SMAD1: variants seen among roughly 807,000 people sequenced by gnomAD.
SMAD1 encodes SMAD family member 1.
In SMAD1, 6 loss-of-function variants were observed where a neutral mutation model predicts 41.6. The observed-to-expected ratio is 0.14, with a 90% confidence interval of 0.08 to 0.28. SMAD1 has a LOEUF of 0.28. SMAD1 is among the 10% of genes least tolerant of loss of function. The pLI is 1.00. For missense variants in SMAD1, 379 were observed against 582.6 expected, an observed-to-expected ratio of 0.65 and a Z score of 3.60; for synonymous variants, 206 against 203.2, an observed-to-expected ratio of 1.01 and a Z score of -0.12.
chr4:145,558,595 A>T lies in SMAD1; in HGVS notation c.*661A>T, dbSNP rs373810142. ...AGACTAGTGAATTTAGGAGTATTTG[A>T]GGTGGGTGGGGGGAAGAGGGAAATG... is the stretch of plus-strand genomic sequence containing the variant. On this transcript the variant is annotated 3_prime_UTR_variant, in exon 7 of 7. Coordinates refer to ENST00000302085, the MANE Select transcript of SMAD1 (RefSeq NM_005900.3). 6.6e-6 allele frequency among the ~76,000 whole-genome samples: 1 copy of T among 152,142 alleles called. No homozygotes were observed. The highest frequency in any genetic ancestry group is 6.5e-5 in the Admixed American group (1 of 15,272).
chr4:145,510,896 T>A (rs866568392), intron 1 of SMAD1, among the ~76,000 whole-genome samples: 1 of 152,332 alleles, frequency 6.6e-6, no homozygotes, highest in Middle Eastern at 3.4e-3. Context: ...AAATTTGGAA[T>A]TTAAAAACTA....
chr4:145,544,983 T>C (rs754609452), intron 4 of SMAD1: 20 of 152,202 alleles, frequency 1.3e-4, no homozygotes, highest in Non-Finnish European at 2.8e-4. Context: ...AATTTTTTTT[T>C]CCTTTATAGT....
rs1195075955 is a variant in SMAD1 at position 145,527,476 on chromosome 4, G to A, written c.401-12328G>A. On this transcript the variant is annotated intron_variant, in intron 2 of 6. Coordinates refer to ENST00000302085, the MANE Select transcript of SMAD1 (RefSeq NM_005900.3). ...CTGACCTCGTGATCCGCCCGCCTCGGCCTCCCAAAGTGCTGGGATTACAGG... is the reference window on the plus strand; with the variant it reads ...CTGACCTCGTGATCCGCCCGCCTCGACCTCCCAAAGTGCTGGGATTACAGG... 2.0e-5 allele frequency among the ~76,000 whole-genome samples: 3 copies of A among 152,068 alleles called. 1 individual carries two copies. Among genetic ancestry groups the A allele is most frequent in the East Asian group, 3.9e-4 (2 of 5,160 alleles).
chr4:145,528,522 G>A (rs865988252), intron 2 of SMAD1, among the ~76,000 whole-genome samples: 6 of 152,172 alleles, frequency 3.9e-5, no homozygotes, highest in Admixed American at 3.3e-4. Flanking sequence ...GATTACAGGC[G>A]TGAGCTACCG....
intron 5 of SMAD1, among the ~76,000 whole-genome samples, chr4:145,551,863 G>A (rs368392537): frequency 7.9e-5 from 12 of 152,158 alleles, no homozygotes; most frequent in African/African-American, 2.9e-4. Flanking sequence ...CTTCGATCCA[G>A]TAATTTAACT....
intron 2 of SMAD1, among the ~76,000 whole-genome samples, chr4:145,536,946 C>T (rs1293317886): frequency 2.0e-5 from 3 of 151,972 alleles, no homozygotes; most frequent in African/African-American, 7.3e-5. Context: ...CCAAAAATCT[C>T]AGAGTTTAAT....
chr4:145,558,028 C>G lies in SMAD1; in HGVS notation c.*94C>G, dbSNP rs1045657138. ...ACACGATTGAGAACTGACAAAGGAG[C>G]CTTGATAATACTTGACCTCTGTGAC... On this transcript the variant is annotated 3_prime_UTR_variant, in exon 7 of 7. Transcript: ENST00000302085. The G allele has an allele frequency of 6.7e-6, 6 of 900,048 alleles. No individual in the cohort carries two copies. Among genetic ancestry groups the G allele is most frequent in the Non-Finnish European group, 7.9e-6 (5 of 633,222 alleles). The allele number at this position is 900,048 out of a possible 1,614,324, so 55.8% of individuals were successfully genotyped here. A position where few individuals can be genotyped will look rare whatever the true frequency, so the allele number is the denominator to read the frequency against.
Position 145,533,263 on chromosome 4 carries a change from A to G in SMAD1, c.401-6541A>G, listed in dbSNP as rs559333618. Among the ~76,000 whole-genome samples the G allele has an allele frequency of 2.6e-5, 4 of 152,334 alleles. No homozygotes were observed. The South Asian group carries it at 8.3e-4, about 32-fold the overall frequency. On this transcript the variant is annotated intron_variant, in intron 2 of 6. Coordinates refer to ENST00000302085, the MANE Select transcript of SMAD1 (RefSeq NM_005900.3). ...ATTTAATTAGTCATCGCTTATAGTT[A>G]GTGTGAACATTTATTGTCCAAGCCA...
chr4:145,481,277 T>G (rs898116485), upstream of SMAD1: 3 of 152,136 alleles, frequency 2.0e-5, no homozygotes, highest in Non-Finnish European at 4.4e-5. Flanking sequence ...AGGGTTTGTA[T>G]AACCACGTGC....
Position 145,558,204 on chromosome 4 carries a change from A to G in SMAD1, c.*270A>G, listed in dbSNP as rs1225969768. The G allele has an allele frequency of 3.8e-6, 1 of 265,502 alleles. No homozygotes were observed. The highest frequency in any genetic ancestry group is 2.2e-5 in the African/African-American group (1 of 45,530). The allele number at this position is 265,502 out of a possible 1,614,324, so 16.4% of individuals were successfully genotyped here. On this transcript the variant is annotated 3_prime_UTR_variant, in exon 7 of 7. Transcript: ENST00000302085. ...TCAGACTTTTAGCAGGACTTTGTGTACAGTTAAAGGAGAGATGGCCAAGCC... is the reference window on the plus strand; with the variant it reads ...TCAGACTTTTAGCAGGACTTTGTGTGCAGTTAAAGGAGAGATGGCCAAGCC...
At chr4:145,515,448 G>A (rs1192938068) in intron 2 of SMAD1, among the ~76,000 whole-genome samples, 2 of 152,094 alleles carry the variant, frequency 1.3e-5, no homozygotes, top group Non-Finnish European at 2.9e-5. Flanking sequence ...ATATGCTTAA[G>A]GGAAGTACAT....
intron 1 of SMAD1, among the ~76,000 whole-genome samples, chr4:145,511,206 T>A (rs1379560662): frequency 6.6e-6 from 1 of 152,238 alleles, no homozygotes; most frequent in East Asian, 1.9e-4. Flanking sequence ...TGGGATTATA[T>A]CTAAATCTTA....
intron 1 of SMAD1, among the ~76,000 whole-genome samples, chr4:145,506,278 T>G (rs1171231059): frequency 6.6e-6 from 1 of 152,222 alleles, no homozygotes; most frequent in African/African-American, 2.4e-5. Flanking sequence ...GTGCCATGAT[T>G]TTTTACTATT....
chr4:145,501,627 C>A (rs1729442708), intron 1 of SMAD1, among the ~76,000 whole-genome samples: 1 of 147,572 alleles, frequency 6.8e-6, no homozygotes, highest in African/African-American at 2.6e-5. Context: ...TGAAATACAG[C>A]AGGATTTTTG....
intron 2 of SMAD1, among the ~76,000 whole-genome samples, chr4:145,527,836 C>T (rs921106302): frequency 6.6e-6 from 1 of 150,664 alleles, no homozygotes; most frequent in Non-Finnish European, 1.5e-5. Context: ...TTTATGGAGG[C>T]TTCTGTTTAT....
intron 2 of SMAD1, among the ~76,000 whole-genome samples, chr4:145,529,623 C>T (rs1030065753): frequency 6.6e-6 from 1 of 152,184 alleles, no homozygotes; most frequent in African/African-American, 2.4e-5. Context: ...TACTATAAGG[C>T]CATGCCAGCC....
chr4:145,529,193 A>G (rs1023582559), intron 2 of SMAD1, among the ~76,000 whole-genome samples: 2 of 152,202 alleles, frequency 1.3e-5, no homozygotes, highest in Non-Finnish European at 2.9e-5. Context: ...TCTGACTGTT[A>G]CTATACTTCA....
chr4:145,533,218 C>T (rs559918909), intron 2 of SMAD1, among the ~76,000 whole-genome samples: 4 of 152,348 alleles, frequency 2.6e-5, no homozygotes, highest in Non-Finnish European at 4.4e-5. Context: ...TGTTCCAGAC[C>T]TGTCTCTTTA....
At chr4:145,489,482 TA>T (rs1260991712) in intron 1 of SMAD1, among the ~76,000 whole-genome samples, 6 of 123,486 alleles carry the variant, frequency 4.9e-5, no homozygotes, top group African/African-American at 3.7e-4. Flanking sequence ...AATAAATAAA[TA>T]AAATAAAACA....
Sources: gnomAD v4.1 joint callset for allele counts (sites outside exome capture counted in the v4.1 genomes callset) on GRCh38, gnomAD v4.1.1 for gene constraint, MANE v1.5 for transcripts, NCBI Gene and HGNC (gene_info 2026-07-23, HGNC 2026-07-21) for gene names.